The following GRIP1 variants were observed in gnomAD, a reference collection of about 807,000 sequenced individuals.
The protein encoded by GRIP1 is glutamate receptor interacting protein 1.
Under a neutral mutation model 129.9 loss-of-function variants are expected in GRIP1, and 45 were observed. That is an observed-to-expected ratio of 0.35 (90% CI 0.27 to 0.44). GRIP1 has a LOEUF of 0.44. GRIP1 is among the 20% of genes least tolerant of loss of function. The pLI is 1.00. For missense variants in GRIP1, 1,196 were observed against 1,396.8 expected (o/e 0.86, Z 2.29); for synonymous variants, 530 against 520.8 (o/e 1.02, Z -0.24).
At chr12:66,828,722 C>A (rs564203813) in intron 1 of GRIP1, among the ~76,000 whole-genome samples, 1 of 152,176 alleles carries the variant, frequency 6.6e-6, no homozygotes, top group East Asian at 1.9e-4. Context: ...CTTGGTCAGG[C>A]GAGGAGGCCT....
intron 19 of GRIP1, among the ~76,000 whole-genome samples, chr12:66,383,742 C>A (rs1199010695): frequency 6.6e-6 from 1 of 152,230 alleles, no homozygotes; most frequent in South Asian, 2.1e-4. Context: ...TCATTCTCTT[C>A]TTCGTCCTTA....
chr12:66,489,342 A>T (rs1057087535), intron 7 of GRIP1, among the ~76,000 whole-genome samples: 1 of 152,202 alleles, frequency 6.6e-6, no homozygotes, highest in African/African-American at 2.4e-5. Context: ...AATAAATGTG[A>T]TTCATCGCAT....
At chr12:66,772,796 T>A (rs2037859673) in intron 1 of GRIP1, among the ~76,000 whole-genome samples, 1 of 152,070 alleles carries the variant, frequency 6.6e-6, no homozygotes, top group African/African-American at 2.4e-5. Flanking sequence ...TGTGACAAAG[T>A]ATAGCACAAA....
At chr12:66,860,107 C>T (rs933330740) in intron 1 of GRIP1, among the ~76,000 whole-genome samples, 5 of 152,050 alleles carry the variant, frequency 3.3e-5, no homozygotes, top group African/African-American at 7.2e-5. Context: ...TCCTCAGATC[C>T]TTGGTCCGGA....
intron 5 of GRIP1, among the ~76,000 whole-genome samples, chr12:66,527,724 A>G (rs1228984710): frequency 6.6e-6 from 1 of 152,148 alleles, no homozygotes; most frequent in Non-Finnish European, 1.5e-5. Context: ...CAAATACTGC[A>G]TGTTCTCACT....
chr12:66,440,979 C>T (rs562824232), intron 13 of GRIP1, among the ~76,000 whole-genome samples: 3 of 152,306 alleles, frequency 2.0e-5, no homozygotes, highest in Non-Finnish European at 4.4e-5. Flanking sequence ...CTCTTTCATC[C>T]ATTCAGTGCA....
chr12:67,039,825 A>G (rs1339929739), intron 1 of GRIP1, among the ~76,000 whole-genome samples: 18 of 152,112 alleles, frequency 1.2e-4, no homozygotes, highest in Admixed American at 1.2e-3. Context: ...ACTCCTGGTG[A>G]CTCATTATAA....
intron 1 of GRIP1, among the ~76,000 whole-genome samples, chr12:66,950,590 C>G (rs1008438610): frequency 9.9e-5 from 15 of 151,856 alleles, no homozygotes; most frequent in African/African-American, 3.6e-4. Flanking sequence ...TAGAAAAGAT[C>G]AGAAGATGAC....
intron 1 of GRIP1, among the ~76,000 whole-genome samples, chr12:66,834,213 G>A (rs2039569763): frequency 6.9e-6 from 1 of 145,586 alleles, no homozygotes; most frequent in South Asian, 2.2e-4. Flanking sequence ...GGGGGATTAT[G>A]TCATTTGATC....
At chr12:66,714,206 G>A (rs1013069412) in intron 1 of GRIP1, among the ~76,000 whole-genome samples, 40 of 151,974 alleles carry the variant, frequency 2.6e-4, no homozygotes, top group African/African-American at 8.5e-4. Context: ...TAAACCTACT[G>A]AGGACTTTTT....
intron 15 of GRIP1, 50 bp from the exon 16 acceptor site, chr12:66,406,478 G>T (rs747530035): frequency 3.8e-6 from 6 of 1,572,582 alleles, no homozygotes; most frequent in South Asian, 2.2e-5. Context: ...CACTTAACTA[G>T]GCCATTTAAA....
At chr12:66,636,677 G>A (rs1427285713) in intron 1 of GRIP1, among the ~76,000 whole-genome samples, 1 of 151,764 alleles carries the variant, frequency 6.6e-6, no homozygotes, top group African/African-American at 2.4e-5. Flanking sequence ...ATCCAACAGA[G>A]CTGGTGTCTT....
intron 1 of GRIP1, among the ~76,000 whole-genome samples, chr12:66,640,221 C>G (rs892092775): frequency 1.3e-5 from 2 of 152,152 alleles, no homozygotes. Flanking sequence ...TACTACTAAA[C>G]TATGAAGTTT....
rs535702088 is a variant in GRIP1 at position 66,674,293 on chromosome 12, C to T, written c.55+4557G>A. On this transcript the variant is annotated intron_variant, in intron 1 of 24. Transcript: ENST00000359742. ...GACAGATGGGAAAGAGCAAAGTGAC[C>T]AGAACAGAAAATCCAAGGCCACCAG... is the stretch of plus-strand genomic sequence containing the variant. Among the ~76,000 whole-genome samples, 155 of 152,068 alleles carry T rather than the reference C, an allele frequency of 1.0e-3. 1 individual carries two copies. Among genetic ancestry groups the T allele is most frequent in the Non-Finnish European group, 1.9e-3 (130 of 67,990 alleles).
chr12:66,711,119 T>C (rs1389281682), intron 1 of GRIP1, among the ~76,000 whole-genome samples: 1 of 151,924 alleles, frequency 6.6e-6, no homozygotes, highest in African/African-American at 2.4e-5. Flanking sequence ...AGAGCTCAGA[T>C]GCATAACCTG....
At chr12:66,472,855 C>T (rs970935892) in intron 7 of GRIP1, among the ~76,000 whole-genome samples, 1 of 152,228 alleles carries the variant, frequency 6.6e-6, no homozygotes, top group Non-Finnish European at 1.5e-5. Flanking sequence ...TCTCTGGTGC[C>T]TAGGCCACCA....
intron 15 of GRIP1, among the ~76,000 whole-genome samples, chr12:66,418,987 G>T (rs1381480561): frequency 6.6e-6 from 1 of 152,168 alleles, no homozygotes; most frequent in Non-Finnish European, 1.5e-5. Context: ...AGAGATATCT[G>T]CACTCCTATG....
chr12:66,577,418 A>G (rs1021233676), intron 2 of GRIP1, among the ~76,000 whole-genome samples: 1 of 152,210 alleles, frequency 6.6e-6, no homozygotes, highest in African/African-American at 2.4e-5. Flanking sequence ...CACAAAGGGG[A>G]AAATATGTGT....
At chr12:66,465,147 T>C (rs2059251023) in intron 8 of GRIP1, 128 bp downstream of exon 8, 2 of 678,162 alleles carry the variant, frequency 2.9e-6, no homozygotes, top group Admixed American at 2.1e-5. Context: ...GGTTTCACCA[T>C]GTTGGCCAAG....
Sources: allele counts gnomAD v4.1 joint callset (sites outside exome capture counted in the v4.1 genomes callset), GRCh38; gene constraint gnomAD v4.1.1; transcripts MANE v1.5; gene names NCBI Gene and HGNC (gene_info 2026-07-23, HGNC 2026-07-21).